ZNF730: variants seen among roughly 807,000 people sequenced by gnomAD.
The protein encoded by ZNF730 is zinc finger protein 730, also known as putative zinc finger protein 730.
In ZNF730, 12 loss-of-function variants were observed where a neutral mutation model predicts 12.6. That is an observed-to-expected ratio of 0.95 (90% confidence interval 0.61 to 1.54). The LOEUF (loss-of-function observed/expected upper bound fraction) is 1.54. Among genes scored for constraint, ZNF730 ranks in the 40% most tolerant of loss-of-function variants. The pLI is 0.00. For synonymous variants in ZNF730, 194 were observed against 195.8 expected (o/e 0.99, Z 0.08); for missense variants, 643 against 583.5 (o/e 1.10, Z -1.05).
rs534027161 is a variant in ZNF730 at position 23,119,817 on chromosome 19, A to AAAAT, written c.3+2661_3+2664dup. Among the ~76,000 whole-genome samples the AAAAT allele has an allele frequency of 5.6e-4, 85 of 152,014 alleles. No homozygotes were observed. The East Asian group carries it at 1.0e-2, about 18-fold the overall frequency. On this transcript the variant is annotated intron_variant, in intron 1 of 3. Coordinates refer to ENST00000597761, the MANE Select transcript of ZNF730 (RefSeq NM_001277403.2). ...GGCGACAGAATGAGACTCCGTCTCA[A>AAAAT]AAATAAATAAATAAATAAATAAAAA...
In ZNF730 at chr19:23,146,517, G is replaced by T; in HGVS notation, c.1473G>T (p.Arg491=). 1 of 1,586,616 alleles carries T rather than the reference G, an allele frequency of 6.3e-7. No homozygotes were observed. Among genetic ancestry groups the T allele is most frequent in the East Asian group, 2.3e-5 (1 of 44,256 alleles). The part of the protein sequence containing the change: ...KCKECGKAFR[R]FSHLTRHKTI... ...AAGAATGTGGTAAAGCCTTTAGGCG[G>T]TTCTCACACCTTACTAGGCATAAGA... Residue 491 remains arginine, a synonymous_variant, in exon 4 of 4, where the codon CGG becomes CGT. Transcript: ENST00000597761.
intron 1 of ZNF730, among the ~76,000 whole-genome samples, chr19:23,110,947 C>T (rs866296490): frequency 1.7e-4 from 26 of 152,200 alleles, no homozygotes; most frequent in Middle Eastern, 3.2e-3. Flanking sequence ...ATGATAACCC[C>T]TCAGTTTTCA....
chr19:23,144,287 CAT>C (rs1015084647), intron 3 of ZNF730: 5 of 152,112 alleles, frequency 3.3e-5, no homozygotes, highest in Non-Finnish European at 1.5e-5. Flanking sequence ...TCTGTCCTGA[CAT>C]AGTCTAAAAG....
At chr19:23,145,221 C>T in intron 3 of ZNF730, 50 bp from the exon 4 acceptor site, 3 of 1,278,872 alleles carry the variant, frequency 2.3e-6, no homozygotes, top group Non-Finnish European at 3.1e-6. Flanking sequence ...GGTTTATAAA[C>T]TATACTCAGT....
intron 3 of ZNF730, 50 bp downstream of exon 3, chr19:23,136,093 T>G: frequency 1.5e-6 from 2 of 1,314,788 alleles, no homozygotes; most frequent in Non-Finnish European, 2.0e-6. Context: ...ATCTATAGTT[T>G]AAAAAAAGAA....
At chr19:23,142,995 A>G (rs1023006886) in intron 3 of ZNF730, among the ~76,000 whole-genome samples, 6 of 152,178 alleles carry the variant, frequency 3.9e-5, no homozygotes, top group Non-Finnish European at 8.8e-5. Context: ...CTATAATCCT[A>G]GCACTTTGGG....
chr19:23,129,407 T>C (rs1461528394), intron 1 of ZNF730, among the ~76,000 whole-genome samples: 1 of 152,078 alleles, frequency 6.6e-6, no homozygotes, highest in Non-Finnish European at 1.5e-5. Flanking sequence ...GAACCCACTT[T>C]TTGCATCAGC....
At chr19:23,098,736 A>G (rs920811419) in intron 1 of ZNF730, among the ~76,000 whole-genome samples, 1 of 152,164 alleles carries the variant, frequency 6.6e-6, no homozygotes, top group African/African-American at 2.4e-5. Flanking sequence ...CAGTGCCGTC[A>G]GGGAAAATTT....
chr19:23,082,688 A>G lies in ZNF730; in HGVS notation c.-94+7301A>G, dbSNP rs1384545161. On this transcript the variant is annotated intron_variant, in intron 1 of 2. Transcript: ENST00000593635. ...CTAAGTAGTATTGTATTGTGTATGTATACCACATTTTCTTTTTTCATTTTT... is the reference window on the plus strand; with the variant it reads ...CTAAGTAGTATTGTATTGTGTATGTGTACCACATTTTCTTTTTTCATTTTT... 3.3e-5 allele frequency among the ~76,000 whole-genome samples: 5 copies of G among 150,672 alleles called. No individual in the cohort carries two copies. The South Asian group carries it at 8.4e-4, about 25-fold the overall frequency.
intron 1 of ZNF730, among the ~76,000 whole-genome samples, chr19:23,080,311 C>G (rs1391247099): frequency 3.3e-5 from 5 of 151,984 alleles, no homozygotes; most frequent in Non-Finnish European, 7.4e-5. Flanking sequence ...AATATCTGTT[C>G]CATGTTTTGC....
At chr19:23,097,029 A>G (rs1410526441) in intron 1 of ZNF730, among the ~76,000 whole-genome samples, 1 of 152,132 alleles carries the variant, frequency 6.6e-6, no homozygotes, top group Non-Finnish European at 1.5e-5. Context: ...TCCAATGCCT[A>G]TGGGATATGT....
At chr19:23,087,407 CAA>C (rs1425592788) in intron 1 of ZNF730, among the ~76,000 whole-genome samples, 4 of 151,120 alleles carry the variant, frequency 2.6e-5, no homozygotes, top group Non-Finnish European at 5.9e-5. Flanking sequence ...GATTCCGTCT[CAA>C]AGAAAAAAAA....
At chr19:23,117,488 A>ATCCTGAC (rs1416312929) in intron 1 of ZNF730, among the ~76,000 whole-genome samples, 1 of 152,196 alleles carries the variant, frequency 6.6e-6, no homozygotes, top group Non-Finnish European at 1.5e-5. Flanking sequence ...TCAGAGGAGA[A>ATCCTGAC]TCCTGACTCG....
upstream of ZNF730, among the ~76,000 whole-genome samples, chr19:23,115,730 A>G (rs1458128645): frequency 1.3e-5 from 2 of 152,038 alleles, no homozygotes; most frequent in East Asian, 3.9e-4. Context: ...ACAGCTTCCT[A>G]GTCAAGAAGC....
chr19:23,146,431 C>T lies in ZNF730; in HGVS notation c.1387C>T (p.Arg463Trp), dbSNP rs560999406. 3.4e-5 allele frequency: 55 copies of T among 1,612,084 alleles called. No homozygotes were observed. Among genetic ancestry groups the T allele is most frequent in the African/African-American group, 2.5e-4 (19 of 74,756 alleles). The change falls in exon 4 of 4, where the codon CGG (arginine) becomes TGG (tryptophan). Residue 463 changes from arginine to tryptophan, a missense_variant. Arg to Trp is a moderately radical substitution (Grantham distance 101). Transcript: ENST00000597761. ...ECEECGKAFN[R>W]SSTLTTHKII... ...TGAAGAATGTGGCAAAGCTTTTAAC[C>T]GGTCCTCAACCCTCACTACACATAA...
At chr19:23,107,870 A>G (rs147770600) in intron 1 of ZNF730, among the ~76,000 whole-genome samples, 1 of 152,208 alleles carries the variant, frequency 6.6e-6, no homozygotes, top group East Asian at 1.9e-4. Context: ...TTTTATTTTT[A>G]CCTCAGTTTG....
Position 23,146,100 on chromosome 19 carries a change from C to T in ZNF730, c.1056C>T (p.Ser352=). The change falls in exon 4 of 4, where the codon TCC becomes TCT. Residue 352 remains serine, a synonymous_variant. Transcript: ENST00000597761. ...CEECGKAFNR[S]STLNRHKITH... ...AATGTGGCAAAGCTTTTAACCGATC[C>T]TCAACCCTTAATAGACATAAGATAA... 9 of 1,611,950 alleles carry T rather than the reference C, an allele frequency of 5.6e-6. No homozygotes were observed. The highest frequency in any genetic ancestry group is 1.7e-5 in the Admixed American group (1 of 59,892).
At chr19:23,129,816 AC>A (rs1970723298) in intron 1 of ZNF730, among the ~76,000 whole-genome samples, 1 of 151,594 alleles carries the variant, frequency 6.6e-6, no homozygotes, top group Admixed American at 6.6e-5. Context: ...ACACAGTGAA[AC>A]CCCATCTCTA....
chr19:23,077,359 G>A (rs571457145), intron 1 of ZNF730, among the ~76,000 whole-genome samples: 2 of 143,950 alleles, frequency 1.4e-5, no homozygotes, highest in East Asian at 2.2e-4. Context: ...GCCTCCCAAT[G>A]TGCTGGGATT....
Sources: allele counts gnomAD v4.1 joint callset (sites outside exome capture counted in the v4.1 genomes callset), GRCh38; gene constraint gnomAD v4.1.1; transcripts MANE v1.5; gene names NCBI Gene and HGNC (gene_info 2026-07-23, HGNC 2026-07-21).